RELN: variants seen among roughly 807,000 people sequenced by gnomAD.
RELN encodes the protein reelin.
RELN carries 108 observed loss-of-function variants against 427.6 expected under a neutral mutation model. That is an observed-to-expected ratio of 0.25 (90% CI 0.22 to 0.30). RELN has a LOEUF of 0.30. RELN is among the 10% of genes least tolerant of loss of function. RELN has a pLI of 1.00. For synonymous variants in RELN, 1,524 were observed against 1,513.4 expected, an observed-to-expected ratio of 1.01 and a Z score of -0.16; for missense variants, 3,715 against 4,302.8, an observed-to-expected ratio of 0.86 and a Z score of 3.82.
intron 63 of RELN, among the ~76,000 whole-genome samples, chr7:103,482,564 C>A (rs1209015784): frequency 1.3e-5 from 2 of 152,230 alleles, no homozygotes; most frequent in African/African-American, 2.4e-5. Context: ...CAACCCAGAT[C>A]TGCCTTAAGA....
intron 3 of RELN, among the ~76,000 whole-genome samples, chr7:103,830,963 C>T (rs558582805): frequency 6.6e-5 from 10 of 151,976 alleles, no homozygotes; most frequent in Non-Finnish European, 1.0e-4. Flanking sequence ...TAAAAACTGA[C>T]GAAACTGTAT....
intron 7 of RELN, 52 bp downstream of exon 7, chr7:103,728,059 A>G (rs1790257804): frequency 2.5e-6 from 4 of 1,580,736 alleles, no homozygotes; most frequent in East Asian, 2.2e-5. Context: ...TGTTGGCAAA[A>G]AGCTCAGTAA....
rs143213152 is a variant in RELN at position 103,574,195 on chromosome 7, C to T, written c.4408G>A (p.Val1470Ile). Residue 1470 changes from valine (V) to isoleucine (I), a missense_variant, in exon 30 of 65, where the codon GTT becomes ATT. Transcript: ENST00000428762. Reference protein sequence around the residue: ...PLWYKITGAQVGTGCGTLNDG... With the variant: ...PLWYKITGAQIGTGCGTLNDG... ...TTAAGTGTTCCACAGCCAGTTCCAA[C>T]CTGGGCACCTGTTATCTTGTACCAC... 5,444 of 1,614,192 alleles carry T rather than the reference C, an allele frequency of 3.4e-3. 10 individuals are homozygous for T. The highest frequency in any genetic ancestry group is 4.1e-3 in the Non-Finnish European group (4,790 of 1,180,032).
At chr7:103,650,991 G>C (rs1832902912) in intron 15 of RELN, among the ~76,000 whole-genome samples, 1 of 152,000 alleles carries the variant, frequency 6.6e-6, no homozygotes, top group Non-Finnish European at 1.5e-5. Context: ...TTCCATCAGT[G>C]CTCAGACCTT....
chr7:103,599,253 T>A (rs1378053054), intron 24 of RELN, among the ~76,000 whole-genome samples: 1 of 152,218 alleles, frequency 6.6e-6, no homozygotes, highest in Non-Finnish European at 1.5e-5. Flanking sequence ...TCTTTCTTTT[T>A]TTTTCATTCA....
chr7:103,809,770 T>C (rs1014407540), intron 3 of RELN, among the ~76,000 whole-genome samples: 2 of 152,128 alleles, frequency 1.3e-5, no homozygotes, highest in Non-Finnish European at 2.9e-5. Context: ...ATAGATAATG[T>C]CTAAACTAGA....
chr7:103,732,314 A>T (rs1790374461), intron 6 of RELN, among the ~76,000 whole-genome samples: 1 of 152,110 alleles, frequency 6.6e-6, no homozygotes, highest in Admixed American at 6.6e-5. Flanking sequence ...TCAAACCATC[A>T]TCATAATCCT....
intron 3 of RELN, among the ~76,000 whole-genome samples, chr7:103,791,466 CA>C (rs1792160028): frequency 6.6e-6 from 1 of 152,126 alleles, no homozygotes; most frequent in Non-Finnish European, 1.5e-5. Context: ...TAATTTCTGA[CA>C]GGATAATTCC....
rs894922936 is a variant in RELN, at chr7:103,620,368, A to C, written c.2703-8565T>G. 6.6e-6 allele frequency among the ~76,000 whole-genome samples: 1 copy of C among 151,688 alleles called. No individual in the cohort carries two copies. The highest frequency in any genetic ancestry group is 2.4e-5 in the African/African-American group (1 of 41,238). On this transcript the variant is annotated intron_variant, in intron 20 of 64. Coordinates refer to ENST00000428762, the MANE Select transcript of RELN (RefSeq NM_005045.4). This position sits in a 1 kb window ranked among gnomAD's most constrained non-coding sequence, Gnocchi z 4.1. Reference sequence around the variant, plus strand: ...GAATGGACTAACACAACTTCAATTCATCTCCGATCTCAGGCTATCCATAAC... The same window carrying C: ...GAATGGACTAACACAACTTCAATTCCTCTCCGATCTCAGGCTATCCATAAC...
intron 51 of RELN, among the ~76,000 whole-genome samples, chr7:103,508,734 T>C (rs1367575725): frequency 1.3e-5 from 2 of 152,244 alleles, no homozygotes; most frequent in East Asian, 3.8e-4. Flanking sequence ...GCAGATGACA[T>C]GATTGTGTAT....
rs1562962642 is a variant in RELN, at chr7:103,700,947, T to C, written c.865A>G (p.Asn289Asp). The C allele has an allele frequency of 6.2e-7, 1 of 1,612,318 alleles. No individual in the cohort carries two copies. The highest frequency in any genetic ancestry group is 8.5e-7 in the Non-Finnish European group (1 of 1,178,496). The change falls in exon 9 of 65, where the codon AAT becomes GAT. Residue 289 changes from asparagine (N) to aspartate (D), a missense_variant. By Grantham distance (23) the Asn-to-Asp change is conservative (BLOSUM62 1). Transcript: ENST00000428762. ...AGCTGAATCCAGTCCGCAGAGTTAT[T>C]CTTGGCATATAACACGATGATGCTG... is the stretch of plus-strand genomic sequence containing the variant. ...DPSIIVLYAK[N>D]NSADWIQLEK...
intron 1 of RELN, among the ~76,000 whole-genome samples, chr7:103,946,926 G>A (rs1194813722): frequency 6.6e-6 from 1 of 152,122 alleles, no homozygotes; most frequent in Non-Finnish European, 1.5e-5. Context: ...AACTCCCCTA[G>A]ACAAATGTAA....
Position 103,544,220 on chromosome 7 carries a change from C to CTT in RELN, c.6523+902_6523+903dup, listed in dbSNP as rs71154356. 1.5e-3 allele frequency among the ~76,000 whole-genome samples: 104 copies of CTT among 71,222 alleles called. 15 individuals are homozygous for CTT. The highest frequency in any genetic ancestry group is 2.0e-3 in the Non-Finnish European group (76 of 38,666). The allele number at this position is 71,222 out of a possible 152,430, so 46.7% of individuals were successfully genotyped here. A position where few individuals can be genotyped will look rare whatever the true frequency, so the allele number is the denominator to read the frequency against. ...AAAACTGAGCAAAAAGAAAGAAAATCTTTTTTTTTTTTTTTTTTTTTTTTT... is the reference window on the plus strand; with the variant it reads ...AAAACTGAGCAAAAAGAAAGAAAATCTTTTTTTTTTTTTTTTTTTTTTTTTTT... On this transcript the variant is annotated intron_variant, in intron 42 of 64. Transcript: ENST00000428762.
intron 1 of RELN, among the ~76,000 whole-genome samples, chr7:103,977,271 A>T (rs965732567): frequency 4.2e-5 from 6 of 143,784 alleles, no homozygotes; most frequent in Non-Finnish European, 6.0e-5. Flanking sequence ...AGATCACGCC[A>T]CTGCACTCCA....
chr7:103,684,771 T>C (rs542267833), intron 10 of RELN, among the ~76,000 whole-genome samples: 1 of 152,302 alleles, frequency 6.6e-6, no homozygotes, highest in East Asian at 1.9e-4. Context: ...AAATGCATTT[T>C]GAAACTTCTA....
intron 8 of RELN, among the ~76,000 whole-genome samples, chr7:103,709,106 G>A (rs867868092): frequency 6.6e-6 from 1 of 152,190 alleles, no homozygotes; most frequent in Middle Eastern, 3.4e-3. Flanking sequence ...CAGGAAGAGT[G>A]TCTTTTGGAA....
intron 3 of RELN, among the ~76,000 whole-genome samples, chr7:103,779,544 T>A (rs1443176208): frequency 6.6e-6 from 1 of 152,160 alleles, no homozygotes; most frequent in Non-Finnish European, 1.5e-5. Flanking sequence ...ACAGAGCTAC[T>A]GCATGATTTA....
intron 11 of RELN, among the ~76,000 whole-genome samples, chr7:103,667,315 T>C (rs976099533): frequency 2.0e-5 from 3 of 152,208 alleles, no homozygotes; most frequent in African/African-American, 7.2e-5. Context: ...GACGATGTCA[T>C]CTTTCAAATC....
intron 6 of RELN, among the ~76,000 whole-genome samples, chr7:103,746,170 A>T (rs202200736): frequency 6.6e-6 from 1 of 151,850 alleles, no homozygotes; most frequent in African/African-American, 2.4e-5. Flanking sequence ...ATGGGGAAAG[A>T]ATTCCCTATT....
Sources: gnomAD v4.1 joint callset for allele counts (sites outside exome capture counted in the v4.1 genomes callset) on GRCh38, gnomAD v4.1.1 for gene constraint, Gnocchi (gnomAD v3.1) non-coding constraint, MANE v1.5 for transcripts, NCBI Gene and HGNC (gene_info 2026-07-23, HGNC 2026-07-21) for gene names.